RAB2A: variants seen among roughly 807,000 people sequenced by gnomAD.
RAB2A encodes the protein ras-related protein Rab-2A.
RAB2A carries 7 observed loss-of-function variants against 32.5 expected under a neutral mutation model. The ratio of observed to expected loss-of-function variants is 0.22; its 90% CI spans 0.12 to 0.40. The LOEUF (loss-of-function observed/expected upper bound fraction) is 0.40. RAB2A is among the 10% of genes least tolerant of loss of function. The pLI is 1.00. For synonymous variants in RAB2A, 79 were observed against 85.2 expected (o/e 0.93, Z 0.40); for missense variants, 108 against 260.7 (o/e 0.41, Z 4.03).
intron 2 of RAB2A, among the ~76,000 whole-genome samples, chr8:60,560,792 A>G (rs1196464780): frequency 7.0e-6 from 1 of 142,930 alleles, no homozygotes; most frequent in Non-Finnish European, 1.5e-5. Context: ...AGTGTATTTT[A>G]TGTGTGGCCC....
intron 6 of RAB2A, among the ~76,000 whole-genome samples, chr8:60,602,567 A>G (rs1804152092): frequency 6.6e-6 from 1 of 152,242 alleles, no homozygotes; most frequent in African/African-American, 2.4e-5. Flanking sequence ...CTTATTTGGT[A>G]TCTGCCTTTT....
chr8:60,593,904 A>G (rs1440471031), intron 6 of RAB2A, among the ~76,000 whole-genome samples: 1 of 138,994 alleles, frequency 7.2e-6, no homozygotes, highest in African/African-American at 3.0e-5. Flanking sequence ...AAAAAAAAGA[A>G]CCAAATAGGA....
intron 1 of RAB2A, among the ~76,000 whole-genome samples, chr8:60,521,373 A>C (rs1807300431): frequency 6.6e-6 from 1 of 152,216 alleles, no homozygotes; most frequent in African/African-American, 2.4e-5. Flanking sequence ...CTTGGGAGCT[A>C]ATAACATAAA....
At chr8:60,575,395 A>G (rs1452503268) in intron 3 of RAB2A, among the ~76,000 whole-genome samples, 2 of 151,986 alleles carry the variant, frequency 1.3e-5, no homozygotes, top group East Asian at 3.9e-4. Context: ...AATGTAACCT[A>G]ATACACATTA....
At chr8:60,558,830 T>C (rs369683396) in intron 1 of RAB2A, 22 bp from the exon 2 acceptor site, 206 of 1,592,224 alleles carry the variant, frequency 1.3e-4, no homozygotes, top group Admixed American at 1.8e-4. Flanking sequence ...TTGTCTCTTA[T>C]TTATTTTTTT....
intron 1 of RAB2A, among the ~76,000 whole-genome samples, chr8:60,521,629 C>CT (rs571548240): frequency 9.9e-5 from 15 of 151,942 alleles, no homozygotes; most frequent in African/African-American, 2.9e-4. Context: ...GCATTTGTTT[C>CT]TTTTTTTTGA....
chr8:60,575,472 G>A (rs1270406356), intron 3 of RAB2A, among the ~76,000 whole-genome samples: 1 of 152,104 alleles, frequency 6.6e-6, no homozygotes, highest in Non-Finnish European at 1.5e-5. Flanking sequence ...ATGTTTTACA[G>A]TGTGTCTGTA....
Position 60,584,729 on chromosome 8 carries a change from T to G in RAB2A, c.276T>G (p.Asp92Glu), listed in dbSNP as rs375530419. Reference sequence around the variant, plus strand: ...AATTATTATTTATGTTTAGGAGAGATACATTCAACCACTTGACAACCTGGT... The same window carrying G: ...AATTATTATTTATGTTTAGGAGAGAGACATTCAACCACTTGACAACCTGGT... ...ALLVYDITRR[D>E]TFNHLTTWLE... Residue 92 changes from aspartate (D) to glutamate (E), a missense_variant, in exon 5 of 8, where the codon GAT (aspartate) becomes GAG (glutamate). By Grantham distance (45) the Asp-to-Glu change is conservative. Coordinates refer to ENST00000262646, the MANE Select transcript of RAB2A (RefSeq NM_002865.3). 1.2e-6 allele frequency: 2 copies of G among 1,609,264 alleles called. No homozygotes were observed. The highest frequency in any genetic ancestry group is 2.2e-5 in the East Asian group (1 of 44,784).
At chr8:60,602,079 T>C (rs1221590667) in intron 6 of RAB2A, among the ~76,000 whole-genome samples, 1 of 151,808 alleles carries the variant, frequency 6.6e-6, no homozygotes, top group Non-Finnish European at 1.5e-5. Flanking sequence ...AGTCTTGCCA[T>C]GTTGCCCAGG....
chr8:60,594,625 C>G (rs1406823207), intron 6 of RAB2A, among the ~76,000 whole-genome samples: 3 of 152,168 alleles, frequency 2.0e-5, no homozygotes, highest in Non-Finnish European at 4.4e-5. Flanking sequence ...AATGCTATCC[C>G]TCCCCCAGCC....
At chr8:60,536,189 C>G (rs1037507373) in intron 1 of RAB2A, among the ~76,000 whole-genome samples, 10 of 152,158 alleles carry the variant, frequency 6.6e-5, no homozygotes, top group African/African-American at 2.4e-4. Context: ...CAGGTACTTA[C>G]AATTCAACAG....
chr8:60,569,882 G>C, intron 2 of RAB2A: 1 of 433,720 alleles, frequency 2.3e-6, no homozygotes, highest in East Asian at 7.3e-5. Context: ...TAAGCAAAGA[G>C]AATATTCTAG....
chr8:60,523,966 A>G (rs1053443674), intron 1 of RAB2A, among the ~76,000 whole-genome samples: 1 of 151,986 alleles, frequency 6.6e-6, no homozygotes. Context: ...TGCTTTATAT[A>G]TATTATTGGT....
At position 60,621,307 on chromosome 8, in the gene RAB2A, A is replaced by G. The variant is rs1234815388; in HGVS notation, c.*538A>G. The G allele has an allele frequency of 6.6e-6, 1 of 152,386 alleles. No individual in the cohort carries two copies. The highest frequency in any genetic ancestry group is 1.5e-5 in the Non-Finnish European group (1 of 68,174). 9.4% of individuals were successfully genotyped at this position (152,386 alleles called of 1,614,324 possible). ...TTTAATGCATTTGCATAAATTCTAT[A>G]CTGTTTAGAGCTTAAAGCTACAGAA... On this transcript the variant is annotated 3_prime_UTR_variant, in exon 8 of 8. Coordinates refer to ENST00000262646, the MANE Select transcript of RAB2A (RefSeq NM_002865.3).
At chr8:60,584,126 C>A (rs1293151516) in intron 3 of RAB2A, 82 bp from the exon 4 acceptor site, 2 of 1,144,634 alleles carry the variant, frequency 1.7e-6, no homozygotes, top group African/African-American at 1.5e-5. Context: ...TCCCTACCTG[C>A]TCTTATTCTG....
intron 3 of RAB2A, among the ~76,000 whole-genome samples, chr8:60,583,524 T>A (rs778281234): frequency 3.9e-5 from 6 of 152,236 alleles, no homozygotes; most frequent in Non-Finnish European, 7.3e-5. Context: ...ACAAGCATTA[T>A]ATATCAAATA....
At chr8:60,598,842 C>T (rs933840599) in intron 6 of RAB2A, among the ~76,000 whole-genome samples, 2 of 144,908 alleles carry the variant, frequency 1.4e-5, no homozygotes, top group African/African-American at 2.5e-5. Flanking sequence ...GGCAAAAGGT[C>T]GAAGGCCTTG....
chr8:60,572,597 A>G (rs908437092), intron 3 of RAB2A, among the ~76,000 whole-genome samples: 2 of 152,148 alleles, frequency 1.3e-5, no homozygotes, highest in East Asian at 1.9e-4. Context: ...TTTAATGGTG[A>G]TTCCTCATCT....
rs375952238 is a variant in RAB2A, at chr8:60,551,939, C to T, written c.47-6913C>T. ...AGTTCAGTGGCACGATCTCGGCTCA[C>T]TGCAGCTTCCACTTCTCGGGTTTAA... On this transcript the variant is annotated intron_variant, in intron 1 of 7. Coordinates refer to ENST00000262646, the MANE Select transcript of RAB2A (RefSeq NM_002865.3). 5 of 144,470 alleles carry T rather than the reference C, an allele frequency of 3.5e-5. No homozygotes were observed. In the East Asian group the frequency reaches 1.0e-3, roughly 30 times the overall value. 8.9% of individuals were successfully genotyped at this position (144,470 alleles called of 1,614,324 possible). A position where few individuals can be genotyped will look rare whatever the true frequency, so the allele number is the denominator to read the frequency against.
Sources: allele counts gnomAD v4.1 joint callset (sites outside exome capture counted in the v4.1 genomes callset), GRCh38; gene constraint gnomAD v4.1.1; transcripts MANE v1.5; gene names NCBI Gene and HGNC (gene_info 2026-07-23, HGNC 2026-07-21).